The following SORBS2 variants were observed in gnomAD, a reference collection of about 807,000 sequenced individuals.
SORBS2 encodes sorbin and SH3 domain containing 2, also known as sorbin and SH3 domain-containing protein 2.
Under a neutral mutation model 97.7 loss-of-function variants are expected in SORBS2, and 46 were observed. The ratio of observed to expected loss-of-function variants is 0.47; its 90% CI spans 0.37 to 0.60. The LOEUF (loss-of-function observed/expected upper bound fraction) is 0.60, where lower values mean the gene tolerates loss of function less well. SORBS2 is among the 20% of genes least tolerant of loss of function. The pLI, the probability that SORBS2 is intolerant of heterozygous loss-of-function variation, is 0.00. For synonymous variants in SORBS2, 476 were observed against 473.4 expected, an observed-to-expected ratio of 1.01 and a Z score of -0.07; for missense variants, 1,316 against 1,282.3, an observed-to-expected ratio of 1.03 and a Z score of -0.40.
At chr4:185,613,434 G>A (rs1199843894) in intron 11 of SORBS2, among the ~76,000 whole-genome samples, 1 of 152,110 alleles carries the variant, frequency 6.6e-6, no homozygotes. Flanking sequence ...CGGATCATGA[G>A]GTCAGGAGTT....
chr4:185,626,605 A>G (rs78271843), intron 6 of SORBS2, among the ~76,000 whole-genome samples: 4,435 of 152,250 alleles, frequency 0.029, 88 homozygotes, highest in Non-Finnish European at 0.045. Flanking sequence ...TATTTGGGGG[A>G]AAAAAGCATT....
chr4:185,946,043 T>C (rs989385168), intron 1 of SORBS2, among the ~76,000 whole-genome samples: 1 of 152,176 alleles, frequency 6.6e-6, no homozygotes, highest in South Asian at 2.1e-4. Flanking sequence ...TAAAGGGCTA[T>C]CTTTAAAAAG....
intron 1 of SORBS2, among the ~76,000 whole-genome samples, chr4:185,847,802 A>G (rs1405072959): frequency 2.6e-5 from 4 of 152,124 alleles, no homozygotes; most frequent in Non-Finnish European, 5.9e-5. Flanking sequence ...ATCTTAGGAG[A>G]TCTGTTCATC....
chr4:185,885,519 T>G (rs1468152286), intron 1 of SORBS2, among the ~76,000 whole-genome samples: 1 of 152,232 alleles, frequency 6.6e-6, no homozygotes, highest in Non-Finnish European at 1.5e-5. Flanking sequence ...TCACCTGCAT[T>G]GCCAATGACA....
chr4:185,797,907 C>T (rs775028789), intron 1 of SORBS2, among the ~76,000 whole-genome samples: 1 of 152,230 alleles, frequency 6.6e-6, no homozygotes, highest in Non-Finnish European at 1.5e-5. Context: ...ACCATGCACA[C>T]ACTGAAGTTG....
intron 4 of SORBS2, among the ~76,000 whole-genome samples, chr4:185,640,135 T>G (rs1474338649): frequency 1.3e-5 from 2 of 152,176 alleles, no homozygotes; most frequent in Middle Eastern, 3.2e-3. Flanking sequence ...ATAGAAAAGT[T>G]TGAGGCATCG....
chr4:185,825,411 G>A (rs2099199234), intron 1 of SORBS2, among the ~76,000 whole-genome samples: 1 of 152,174 alleles, frequency 6.6e-6, no homozygotes, highest in Admixed American at 6.5e-5. Context: ...AAAAATGTAT[G>A]ACTTCCAAGG....
chr4:185,733,837 G>T (rs2098663174), intron 2 of SORBS2, among the ~76,000 whole-genome samples: 1 of 152,108 alleles, frequency 6.6e-6, no homozygotes, highest in Non-Finnish European at 1.5e-5. Context: ...TTCCTCTGAT[G>T]TTCCCCTGCC....
At chr4:185,921,008 C>CCCT (rs1191367054) in intron 1 of SORBS2, among the ~76,000 whole-genome samples, 1 of 152,104 alleles carries the variant, frequency 6.6e-6, no homozygotes. Flanking sequence ...CGATGGGAGC[C>CCCT]CCTCAGCACC....
chr4:185,668,127 G>GA (rs1210168201), intron 4 of SORBS2, among the ~76,000 whole-genome samples: 9 of 151,982 alleles, frequency 5.9e-5, no homozygotes, highest in African/African-American at 1.9e-4. Flanking sequence ...CAAATTAAAA[G>GA]AAAAAAATCT....
At chr4:185,716,648 T>G (rs1414931802) in intron 2 of SORBS2, among the ~76,000 whole-genome samples, 2 of 152,238 alleles carry the variant, frequency 1.3e-5, no homozygotes, top group Non-Finnish European at 2.9e-5. Flanking sequence ...TGAATTCTTC[T>G]GGGCTCACAT....
chr4:185,823,130 A>G (rs962097414), intron 1 of SORBS2, among the ~76,000 whole-genome samples: 2 of 152,192 alleles, frequency 1.3e-5, no homozygotes, highest in African/African-American at 4.8e-5. Context: ...TTCCTCTTGC[A>G]ACAAGTGGAT....
chr4:185,792,568 G>A (rs977132367), intron 1 of SORBS2, among the ~76,000 whole-genome samples: 3 of 151,796 alleles, frequency 2.0e-5, no homozygotes, highest in Non-Finnish European at 4.4e-5. Flanking sequence ...GGGGAGGAGG[G>A]AAGGAAGGAA....
At chr4:185,687,928 A>T (rs1338909644) in intron 2 of SORBS2, among the ~76,000 whole-genome samples, 1 of 152,184 alleles carries the variant, frequency 6.6e-6, no homozygotes, top group East Asian at 1.9e-4. Flanking sequence ...TATCCTAAAG[A>T]ATCCTAACGC....
chr4:185,879,165 T>TCCACC (rs1554045423), intron 1 of SORBS2, among the ~76,000 whole-genome samples: 1 of 57,150 alleles, frequency 1.7e-5, no homozygotes, highest in African/African-American at 1.0e-4. Flanking sequence ...ATGCTATCCC[T>TCCACC]CCCCCCCCCC....
chr4:185,921,954 A>G (rs1056550183), intron 1 of SORBS2, among the ~76,000 whole-genome samples: 3 of 152,228 alleles, frequency 2.0e-5, no homozygotes, highest in Non-Finnish European at 4.4e-5. Context: ...CACGTAAGCC[A>G]CACAATTGTT....
intron 1 of SORBS2, among the ~76,000 whole-genome samples, chr4:185,849,109 C>T (rs2099216317): frequency 6.6e-6 from 1 of 152,100 alleles, no homozygotes; most frequent in South Asian, 2.1e-4. Context: ...ATATAGCTGG[C>T]CCTTACTGAA....
chr4:185,809,455 CAAAAAAAA>C (rs55713465), intron 1 of SORBS2, among the ~76,000 whole-genome samples: 66 of 47,290 alleles, frequency 1.4e-3, no homozygotes, highest in East Asian at 0.013. Context: ...ACTGCATTTG[CAAAAAAAA>C]AAAAAAAAAA....
intron 1 of SORBS2, among the ~76,000 whole-genome samples, chr4:185,930,603 T>G (rs1242234376): frequency 1.3e-5 from 2 of 152,166 alleles, no homozygotes; most frequent in East Asian, 3.8e-4. Context: ...CGGCCCTGGA[T>G]AGAGTTTTAA....
Sources: gnomAD v4.1 joint callset for allele counts (sites outside exome capture counted in the v4.1 genomes callset) on GRCh38, gnomAD v4.1.1 for gene constraint, MANE v1.5 for transcripts, NCBI Gene and HGNC (gene_info 2026-07-23, HGNC 2026-07-21) for gene names.